The following NRXN2 variants were observed in gnomAD, a reference collection of about 807,000 sequenced individuals.
NRXN2 encodes the protein neurexin 2.
Under a neutral mutation model 128.8 loss-of-function variants are expected in NRXN2, and 29 were observed. That is an observed-to-expected ratio of 0.23 (90% confidence interval 0.17 to 0.31). NRXN2 has a LOEUF of 0.31. Among genes scored for constraint, NRXN2 ranks in the 10% least tolerant of loss-of-function variants. NRXN2 has a pLI of 1.00. For synonymous variants in NRXN2, 1,098 were observed against 1,075.2 expected (o/e 1.02, Z -0.41); for missense variants, 1,881 against 2,452.6 (o/e 0.77, Z 4.92).
intron 6 of NRXN2, among the ~76,000 whole-genome samples, chr11:64,684,517 C>T (rs2052743486): frequency 6.6e-6 from 1 of 152,104 alleles, no homozygotes; most frequent in Non-Finnish European, 1.5e-5. Flanking sequence ...GGATTAGTCA[C>T]TGCGTTCTCC....
At chr11:64,653,430 C>T (rs2047772501) in intron 12 of NRXN2, among the ~76,000 whole-genome samples, 1 of 152,108 alleles carries the variant, frequency 6.6e-6, no homozygotes, top group African/African-American at 2.4e-5. Context: ...AAAGGGTGTC[C>T]TTGTCTCTCC....
chr11:64,626,425 A>G (rs1164909164), intron 20 of NRXN2, 38 bp downstream of exon 20: 2 of 1,495,436 alleles, frequency 1.3e-6, no homozygotes, highest in Non-Finnish European at 1.9e-6. Context: ...TAGTGTTTTT[A>G]AAGTTAATTA....
chr11:64,670,317 C>G (rs942175304), intron 7 of NRXN2, among the ~76,000 whole-genome samples: 2 of 152,100 alleles, frequency 1.3e-5, no homozygotes, highest in African/African-American at 4.8e-5. Context: ...CTTCCCTCCA[C>G]CCCACCCTAA....
chr11:64,642,958 A>G (rs953894837), intron 17 of NRXN2: 1 of 1,019,234 alleles, frequency 9.8e-7, no homozygotes, highest in Non-Finnish European at 1.2e-6. Context: ...TCCGGAGCCA[A>G]CAAAATCAAC....
Position 64,716,754 on chromosome 11 carries a change from C to G in NRXN2, c.-244-2811G>C, listed in dbSNP as rs562178486. 3.9e-5 allele frequency among the ~76,000 whole-genome samples: 6 copies of G among 152,246 alleles called. No homozygotes were observed. In the South Asian group the frequency reaches 1.2e-3, roughly 32 times the overall value. ...GGGGGCACAGGGACTGCGGAGCTAA[C>G]CAGGAGGAAGCCCCAGCACTCCCTG... On this transcript the variant is annotated intron_variant, in intron 1 of 22. Transcript: ENST00000265459.
chr11:64,701,216 C>A (rs1028543269), intron 2 of NRXN2, among the ~76,000 whole-genome samples: 17 of 152,208 alleles, frequency 1.1e-4, no homozygotes, highest in African/African-American at 3.9e-4. Flanking sequence ...CTGCTGAAAA[C>A]TCTTCAAAGC....
chr11:64,608,991 G>T (rs940155648), intron 22 of NRXN2, among the ~76,000 whole-genome samples: 1 of 152,108 alleles, frequency 6.6e-6, no homozygotes, highest in African/African-American at 2.4e-5. Flanking sequence ...TAATTGCAGG[G>T]TGGCCACGGG....
intron 5 of NRXN2, chr11:64,688,423 G>A: frequency 2.0e-6 from 2 of 979,024 alleles, no homozygotes; most frequent in Non-Finnish European, 2.4e-6. Context: ...AGATGGTGAG[G>A]AGAGAGAGAG....
intron 11 of NRXN2, among the ~76,000 whole-genome samples, chr11:64,658,104 A>G (rs2048514086): frequency 6.6e-6 from 1 of 152,196 alleles, no homozygotes. Context: ...TCTAATCTTA[A>G]GAGACACAAT....
Position 64,668,609 on chromosome 11 carries a change from C to T in NRXN2, c.1198-5G>A, listed in dbSNP as rs1243810241. ...CCCGTCCACCGAGATGGTCACCTGT[C>T]CAGCCCAGGAGGGAGGGAGAAAGAC... On this transcript the variant is annotated splice_region_variant and splice_polypyrimidine_tract_variant and intron_variant, in intron 7 of 22. Coordinates refer to ENST00000265459, the MANE Select transcript of NRXN2 (RefSeq NM_015080.4). 2 of 1,613,264 alleles carry T rather than the reference C, an allele frequency of 1.2e-6. No individual in the cohort carries two copies. The highest frequency in any genetic ancestry group is 4.5e-5 in the East Asian group (2 of 44,866).
chr11:64,712,756 A>G (rs1439243808), intron 2 of NRXN2: 1 of 676,126 alleles, frequency 1.5e-6, no homozygotes, highest in Admixed American at 2.1e-5. Context: ...GACCACGCCC[A>G]AGCCGGCCCC....
chr11:64,703,896 C>T (rs2055837264), intron 2 of NRXN2, among the ~76,000 whole-genome samples: 3 of 152,314 alleles, frequency 2.0e-5, no homozygotes, highest in South Asian at 2.1e-4. Flanking sequence ...CAGAGTAGGA[C>T]GTTGAAGAAC....
Position 64,631,346 on chromosome 11 carries a change from C to T in NRXN2, c.3586-773G>A, listed in dbSNP as rs954366227. Among the ~76,000 whole-genome samples, 2 of 152,130 alleles carry T rather than the reference C, an allele frequency of 1.3e-5. No individual in the cohort carries two copies. The highest frequency in any genetic ancestry group is 6.5e-5 in the Admixed American group (1 of 15,286). ...AGGACAGGCAGAGGACAGACAGGGACGGAGGCCTGGAGAAGGGGAGCAAAG... is the reference window on the plus strand; with the variant it reads ...AGGACAGGCAGAGGACAGACAGGGATGGAGGCCTGGAGAAGGGGAGCAAAG... On this transcript the variant is annotated intron_variant, in intron 18 of 22. Transcript: ENST00000265459. This position sits in a 1 kb window ranked among gnomAD's most constrained non-coding sequence, Gnocchi z 4.8.
At chr11:64,717,014 G>A (rs956819655) in intron 1 of NRXN2, among the ~76,000 whole-genome samples, 5 of 152,050 alleles carry the variant, frequency 3.3e-5, no homozygotes, top group Non-Finnish European at 7.4e-5. Context: ...AATACAGGGG[G>A]CTCCTGCTAC....
At chr11:64,702,984 A>G (rs2055712501) in intron 2 of NRXN2, among the ~76,000 whole-genome samples, 1 of 150,004 alleles carries the variant, frequency 6.7e-6, no homozygotes, top group South Asian at 2.1e-4. Context: ...AAAAAAAAAA[A>G]AAAAAAAAAA....
intron 17 of NRXN2, chr11:64,643,298 G>T: frequency 1.0e-6 from 1 of 977,848 alleles, no homozygotes; most frequent in Middle Eastern, 5.3e-4. Context: ...GACTGGGGCC[G>T]GCCGCGCCGC....
intron 9 of NRXN2, among the ~76,000 whole-genome samples, chr11:64,663,825 C>T (rs540500427): frequency 3.6e-4 from 55 of 152,242 alleles, no homozygotes; most frequent in African/African-American, 1.3e-3. Context: ...ATAAATGCAA[C>T]GTGTATATCC....
chr11:64,644,058 T>C (rs1302775638), intron 17 of NRXN2, among the ~76,000 whole-genome samples: 2 of 151,956 alleles, frequency 1.3e-5, no homozygotes, highest in African/African-American at 4.8e-5. Context: ...CTCAGACACA[T>C]ACATGCATGC....
At chr11:64,707,220 G>A (rs1565465271) in intron 2 of NRXN2, among the ~76,000 whole-genome samples, 3 of 151,902 alleles carry the variant, frequency 2.0e-5, no homozygotes, top group South Asian at 4.2e-4. Flanking sequence ...GTGAAACCCC[G>A]TCTCTACTAA....
Sources: allele counts gnomAD v4.1 joint callset (sites outside exome capture counted in the v4.1 genomes callset), GRCh38; gene constraint gnomAD v4.1.1; non-coding constraint Gnocchi (gnomAD v3.1); transcripts MANE v1.5; gene names NCBI Gene and HGNC (gene_info 2026-07-23, HGNC 2026-07-21).